The following SPATS2L variants were observed in gnomAD, a reference collection of about 807,000 sequenced individuals.
SPATS2L encodes the protein SPATS2-like protein.
Under a neutral mutation model 59.6 loss-of-function variants are expected in SPATS2L, and 30 were observed. The ratio of observed to expected loss-of-function variants is 0.50; its 90% CI spans 0.38 to 0.68. SPATS2L has a LOEUF of 0.68. Ranked by LOEUF, SPATS2L falls within the 30% of genes least tolerant of loss-of-function variation. The probability of loss-of-function intolerance (pLI) is 0.00; values close to 1 mark genes in which losing one functional copy is unlikely to be tolerated. For missense variants in SPATS2L, 615 were observed against 700.0 expected (o/e 0.88, Z 1.37); for synonymous variants, 252 against 263.5 (o/e 0.96, Z 0.42).
At chr2:200,383,706 T>C (rs1447008144) in intron 2 of SPATS2L, among the ~76,000 whole-genome samples, 10 of 152,238 alleles carry the variant, frequency 6.6e-5, no homozygotes, top group Admixed American at 6.5e-4. Flanking sequence ...GCTTACATTA[T>C]GATAATTTAT....
chr2:200,368,534 G>T (rs185787060), intron 2 of SPATS2L, among the ~76,000 whole-genome samples: 25 of 152,286 alleles, frequency 1.6e-4, no homozygotes, highest in Admixed American at 1.4e-3. Flanking sequence ...ACCAAGAAAA[G>T]ATTGGTTGGT....
chr2:200,474,120 G>T (rs1185562270), intron 12 of SPATS2L, among the ~76,000 whole-genome samples: 28 of 142,366 alleles, frequency 2.0e-4, no homozygotes, highest in African/African-American at 6.6e-4. Flanking sequence ...TTTTTTGTAA[G>T]ACTTTAAAAA....
intron 2 of SPATS2L, chr2:200,351,427 T>C (rs1446541187): frequency 4.8e-6 from 2 of 413,614 alleles, no homozygotes; most frequent in African/African-American, 4.2e-5. Context: ...TCCTGAGAAA[T>C]TAAAATTAAA....
At chr2:200,473,810 A>G (rs746773791) in intron 12 of SPATS2L, among the ~76,000 whole-genome samples, 1 of 151,566 alleles carries the variant, frequency 6.6e-6, no homozygotes, top group Non-Finnish European at 1.5e-5. Context: ...GACCAGCCTG[A>G]CCAACATGGT....
At chr2:200,424,368 A>G (rs2083439871) in intron 6 of SPATS2L, among the ~76,000 whole-genome samples, 1 of 152,028 alleles carries the variant, frequency 6.6e-6, no homozygotes, top group South Asian at 2.1e-4. Flanking sequence ...TCATACCTGT[A>G]GTCCCAGCTG....
intron 9 of SPATS2L, among the ~76,000 whole-genome samples, chr2:200,467,057 A>G (rs1009076266): frequency 6.6e-6 from 1 of 152,216 alleles, no homozygotes; most frequent in African/African-American, 2.4e-5. Context: ...GGGAGTGTAC[A>G]GTGAATCAGA....
At chr2:200,440,997 T>C (rs2084658980) in intron 8 of SPATS2L, among the ~76,000 whole-genome samples, 1 of 152,134 alleles carries the variant, frequency 6.6e-6, no homozygotes, top group South Asian at 2.1e-4. Flanking sequence ...ATAGACATAA[T>C]TCACTGGAGT....
At chr2:200,343,323 G>A (rs1165795179) in intron 2 of SPATS2L, among the ~76,000 whole-genome samples, 1 of 152,122 alleles carries the variant, frequency 6.6e-6, no homozygotes, top group East Asian at 1.9e-4. Context: ...ATACAAATAC[G>A]GAGTATATAA....
At chr2:200,359,712 T>C (rs2081034834) in intron 2 of SPATS2L, among the ~76,000 whole-genome samples, 1 of 152,140 alleles carries the variant, frequency 6.6e-6, no homozygotes, top group Non-Finnish European at 1.5e-5. Flanking sequence ...ATCCTGGCCA[T>C]TCAGCAACTG....
intron 12 of SPATS2L, among the ~76,000 whole-genome samples, chr2:200,476,915 G>A (rs887098816): frequency 6.6e-6 from 1 of 152,200 alleles, no homozygotes; most frequent in African/African-American, 2.4e-5. Context: ...CAGCAGGAGG[G>A]AGAGAGCTGG....
chr2:200,461,164 A>C (rs564291589), intron 9 of SPATS2L: 1 of 152,292 alleles, frequency 6.6e-6, no homozygotes, highest in South Asian at 2.1e-4. Flanking sequence ...CGTCAAATAC[A>C]CTGACACCTG....
At chr2:200,411,866 TG>T (rs1201690082) in intron 3 of SPATS2L, among the ~76,000 whole-genome samples, 1 of 152,244 alleles carries the variant, frequency 6.6e-6, no homozygotes, top group Non-Finnish European at 1.5e-5. Context: ...ACCCTCAAGA[TG>T]ACTGTTTCCA....
intron 12 of SPATS2L, among the ~76,000 whole-genome samples, chr2:200,476,985 G>A (rs573263762): frequency 2.0e-5 from 3 of 152,328 alleles, no homozygotes; most frequent in Non-Finnish European, 4.4e-5. Flanking sequence ...AAGCAGTCCC[G>A]CTAAAGTCAA....
At chr2:200,378,092 A>C (rs1206200162) in intron 2 of SPATS2L, 1 of 327,862 alleles carries the variant, frequency 3.1e-6, no homozygotes, top group African/African-American at 2.2e-5. Context: ...GCAGTTTCAC[A>C]AAAAGGGAAC....
chr2:200,342,389 C>T (rs768059143), intron 2 of SPATS2L, among the ~76,000 whole-genome samples: 10 of 152,226 alleles, frequency 6.6e-5, no homozygotes, highest in Non-Finnish European at 1.2e-4. Context: ...TGGAAGAGGA[C>T]GCTGAGAAAG....
intron 2 of SPATS2L, among the ~76,000 whole-genome samples, chr2:200,345,849 G>T (rs559477642): frequency 2.0e-5 from 3 of 152,186 alleles, no homozygotes; most frequent in Non-Finnish European, 4.4e-5. Flanking sequence ...TATGGTGAGG[G>T]TTACATAGCT....
chr2:200,323,963 G>A (rs946337165), intron 1 of SPATS2L, among the ~76,000 whole-genome samples: 3 of 152,196 alleles, frequency 2.0e-5, no homozygotes, highest in African/African-American at 4.8e-5. Context: ...GGTAGCATCC[G>A]TGCAGAGGTT....
intron 3 of SPATS2L, among the ~76,000 whole-genome samples, chr2:200,395,136 C>T (rs1359518627): frequency 6.6e-6 from 1 of 152,048 alleles, no homozygotes; most frequent in Non-Finnish European, 1.5e-5. Context: ...TAGATTATTT[C>T]TGTGTAAAAT....
chr2:200,356,653 G>A (rs2080926067), intron 2 of SPATS2L, among the ~76,000 whole-genome samples: 1 of 152,152 alleles, frequency 6.6e-6, no homozygotes, highest in Non-Finnish European at 1.5e-5. Context: ...AGATTCAATA[G>A]GAAATAAAAA....
Sources: allele counts gnomAD v4.1 joint callset (sites outside exome capture counted in the v4.1 genomes callset), GRCh38; gene constraint gnomAD v4.1.1; transcripts MANE v1.5; gene names NCBI Gene and HGNC (gene_info 2026-07-23, HGNC 2026-07-21).